Variants in AFF2 observed in about 807,000 individuals in gnomAD.
AFF2 encodes ALF transcription elongation factor 2, also known as AF4/FMR2 family member 2.
Under a neutral mutation model 76.9 loss-of-function variants are expected in AFF2, and 14 were observed. That is an observed-to-expected ratio of 0.18 (90% confidence interval 0.12 to 0.28). The LOEUF (loss-of-function observed/expected upper bound fraction) is 0.28. Among genes scored for constraint, AFF2 ranks in the 10% least tolerant of loss-of-function variants. The pLI is 1.00. For missense variants in AFF2, 868 were observed against 1,001.1 expected (o/e 0.87, Z 1.79); for synonymous variants, 398 against 366.7 (o/e 1.09, Z -0.98).
At chrX:148,937,091 A>G (rs782146943) in intron 9 of AFF2, among the ~76,000 whole-genome samples, 4 of 112,000 alleles carry the variant, frequency 3.6e-5, no homozygotes, top group Non-Finnish European at 7.5e-5. Context: ...ACAGTTAAGA[A>G]TAGTTTTTCC....
At chrX:148,501,285 C>G in intron 1 of AFF2, 141 bp downstream of exon 1, 1 of 781,280 alleles carries the variant, frequency 1.3e-6, no homozygotes, top group East Asian at 3.5e-5. Flanking sequence ...CACCTCTGGC[C>G]CCGGCCGCGC....
chrX:148,581,363 C>A (rs1557244838), intron 1 of AFF2, among the ~76,000 whole-genome samples: 5 of 107,851 alleles, frequency 4.6e-5, no homozygotes, highest in African/African-American at 1.7e-4. Context: ...CACATATATA[C>A]GTATACGTGT....
At chrX:148,985,694 A>G (rs1187901801) in intron 19 of AFF2, among the ~76,000 whole-genome samples, 1 of 110,482 alleles carries the variant, frequency 9.1e-6, no homozygotes, top group Non-Finnish European at 1.9e-5. Context: ...TAGCTTGGAC[A>G]TCTCCTCATC....
chrX:148,853,209 T>G (rs1303602046), intron 7 of AFF2, among the ~76,000 whole-genome samples: 1 of 111,685 alleles, frequency 9.0e-6, no homozygotes, highest in Non-Finnish European at 1.9e-5. Context: ...GCATTATGTG[T>G]TTTCTACACA....
At chrX:148,807,601 G>A (rs1557271447) in intron 3 of AFF2, among the ~76,000 whole-genome samples, 1 of 112,275 alleles carries the variant, frequency 8.9e-6, no homozygotes. Context: ...TTTTCACTGT[G>A]ATTTAAAAAT....
chrX:148,967,736 A>G (rs1367759228), intron 15 of AFF2, 44 bp downstream of exon 15: 3 of 1,144,793 alleles, frequency 2.6e-6, no homozygotes, highest in Non-Finnish European at 3.6e-6. Context: ...TTAAGGATTT[A>G]TGTTTCAAAG....
chrX:148,581,193 A>ATACGTATACACACATATATAATATACG (rs2053372803), intron 1 of AFF2, among the ~76,000 whole-genome samples: 2 of 57,268 alleles, frequency 3.5e-5, no homozygotes, highest in Admixed American at 2.7e-4. Context: ...ACACATATAC[A>ATACGTATACACACATATATAATATACG]TATACGTATA....
chrX:148,967,116 A>G (rs782612552), intron 14 of AFF2, 37 bp downstream of exon 14: 15 of 1,196,669 alleles, frequency 1.3e-5, no homozygotes, highest in Non-Finnish European at 1.7e-5. Flanking sequence ...AGTTTGGAGT[A>G]GTGAATGGGG....
chrX:148,956,746 C>T, intron 11 of AFF2, 133 bp downstream of exon 11: 1 of 571,760 alleles, frequency 1.7e-6, no homozygotes, highest in Non-Finnish European at 2.7e-6. Flanking sequence ...ATGATGCTTT[C>T]TGTGGGAAAT....
intron 1 of AFF2, among the ~76,000 whole-genome samples, chrX:148,594,827 C>T (rs1358762047): frequency 8.9e-6 from 1 of 111,984 alleles, no homozygotes; most frequent in Admixed American, 9.5e-5. Context: ...CTTCCTTTCC[C>T]CAGCCTTGCA....
At chrX:148,774,678 C>T (rs1557268398) in intron 3 of AFF2, among the ~76,000 whole-genome samples, 1 of 111,585 alleles carries the variant, frequency 9.0e-6, no homozygotes, top group African/African-American at 3.3e-5. Context: ...TCACTCTCTC[C>T]GTCTTACTTA....
intron 3 of AFF2, among the ~76,000 whole-genome samples, chrX:148,713,428 C>T (rs1557263081): frequency 9.0e-6 from 1 of 111,695 alleles, no homozygotes. Context: ...TTTTATAAAA[C>T]TCATGTCTCT....
chrX:148,722,992 C>G (rs1252764117), intron 3 of AFF2, among the ~76,000 whole-genome samples: 1 of 111,390 alleles, frequency 9.0e-6, no homozygotes, highest in African/African-American at 3.3e-5. Context: ...TCATTTTTCT[C>G]ATGCTTCATG....
At chrX:148,843,083 T>C (rs2070620672) in intron 6 of AFF2, 81 bp downstream of exon 6, 12 of 789,501 alleles carry the variant, frequency 1.5e-5, no homozygotes, top group Admixed American at 2.9e-5. Context: ...CTACTTAAAA[T>C]CATTAAAACA....
At chrX:148,846,859 T>C (rs1477858583) in intron 7 of AFF2, among the ~76,000 whole-genome samples, 1 of 112,252 alleles carries the variant, frequency 8.9e-6, no homozygotes, top group African/African-American at 3.2e-5. Flanking sequence ...AGACTGTGAA[T>C]GGACTCACCA....
At position 148,652,053 on chromosome X, in the gene AFF2, T is replaced by C; in HGVS notation, c.102T>C (p.Asn34=). The part of the protein sequence containing the change: ...ALKKREWERR[N]QEVQQEDDLF... Reference sequence around the variant, plus strand: ...AAAAAAGGGAATGGGAGCGGAGGAATCAAGAAGTCCAGCAAGAAGACGATC... The same window carrying C: ...AAAAAAGGGAATGGGAGCGGAGGAACCAAGAAGTCCAGCAAGAAGACGATC... The change falls in exon 2 of 21, where the codon AAT becomes AAC. Residue 34 remains asparagine (N), a synonymous_variant. Transcript: ENST00000370460. 1 of 1,203,827 alleles carries C rather than the reference T, an allele frequency of 8.3e-7. No homozygotes were observed. The highest frequency in any genetic ancestry group is 1.1e-6 in the Non-Finnish European group (1 of 888,523).
intron 1 of AFF2, among the ~76,000 whole-genome samples, chrX:148,555,032 C>A (rs782669973): frequency 4.4e-5 from 5 of 112,398 alleles, no homozygotes; most frequent in Non-Finnish European, 7.5e-5. Context: ...GCTTTGTGAT[C>A]TTGGGCAAGT....
At chrX:148,876,351 G>A (rs782550337) in intron 7 of AFF2, among the ~76,000 whole-genome samples, 2 of 111,920 alleles carry the variant, frequency 1.8e-5, no homozygotes, top group African/African-American at 3.2e-5. Flanking sequence ...GCTACACTGA[G>A]CTTTTCAGTG....
chrX:148,569,755 T>C (rs1390679770), intron 1 of AFF2, among the ~76,000 whole-genome samples: 3 of 111,329 alleles, frequency 2.7e-5, no homozygotes, highest in South Asian at 3.7e-4. Context: ...CTAGCACAGG[T>C]TGTGAAACAT....
Sources: allele counts gnomAD v4.1 joint callset (sites outside exome capture counted in the v4.1 genomes callset), GRCh38; gene constraint gnomAD v4.1.1; transcripts MANE v1.5; gene names NCBI Gene and HGNC (gene_info 2026-07-23, HGNC 2026-07-21).